SLC4A9: variants seen among roughly 807,000 people sequenced by gnomAD.
The protein encoded by SLC4A9 is solute carrier family 4 member 9.
Under a neutral mutation model 103.2 loss-of-function variants are expected in SLC4A9, and 102 were observed. That is an observed-to-expected ratio of 0.99 (90% CI 0.84 to 1.17). SLC4A9 has a LOEUF of 1.17. SLC4A9 is among the 50% of genes most tolerant of loss of function. The probability of loss-of-function intolerance (pLI) is 0.00; values close to 1 mark genes in which losing one functional copy is unlikely to be tolerated. For missense variants in SLC4A9, 1,091 were observed against 1,193.7 expected (o/e 0.91, Z 1.27); for synonymous variants, 453 against 483.6 (o/e 0.94, Z 0.83).
chr5:140,371,563 C>A lies in SLC4A9; in HGVS notation c.2609C>A (p.Ala870Asp). 6.2e-7 allele frequency: 1 copy of A among 1,614,064 alleles called. No homozygotes were observed. Among genetic ancestry groups the A allele is most frequent in the South Asian group, 1.1e-5 (1 of 91,088 alleles). ...CACCTCTTCACAGCCATCCAGCTTG[C>A]CTGTCTGGGGCTGCTTTGGATAATC... ...RVHLFTAIQL[A>D]CLGLLWIIKS... The change falls in exon 19 of 22, where the codon GCC (alanine) becomes GAC (aspartate). Residue 870 changes from alanine to aspartate, a missense_variant. Ala to Asp is a moderately radical substitution (Grantham distance 126, BLOSUM62 -2). Coordinates refer to ENST00000506757, the MANE Select transcript of SLC4A9 (RefSeq NM_031467.3).
Position 140,360,353 on chromosome 5 carries a change from C to T in SLC4A9, c.117C>T (p.Gly39=). The T allele has an allele frequency of 6.2e-7, 1 of 1,610,918 alleles. No individual in the cohort carries two copies. Among genetic ancestry groups the T allele is most frequent in the Non-Finnish European group, 8.5e-7 (1 of 1,178,566 alleles). Residue 39 remains glycine, a synonymous_variant, in exon 1 of 22, where the codon GGC becomes GGT. Coordinates refer to ENST00000506757, the MANE Select transcript of SLC4A9 (RefSeq NM_031467.3). ...PDPGTGPSPD[G]PSDTESKELG... is the part of the protein sequence containing the mutation. Reference sequence around the variant, plus strand: ...CTGGCACCGGCCCCAGCCCTGATGGCCCCTCAGACACAGAGAGCAAGGAAC... The same window carrying T: ...CTGGCACCGGCCCCAGCCCTGATGGTCCCTCAGACACAGAGAGCAAGGAAC...
In SLC4A9 at chr5:140,362,125, C is replaced by A. The variant is rs560977626; in HGVS notation, c.670C>A (p.Arg224=). Residue 224 remains arginine, a synonymous_variant, in exon 5 of 22, where the codon CGG becomes AGG. Coordinates refer to ENST00000506757, the MANE Select transcript of SLC4A9 (RefSeq NM_031467.3). ...AQPLGAFVRL[R]NPVVLGSLTE... ...GCCACTGGGAGCCTTTGTTCGACTGCGGAACCCTGTGGTACTGGGGTCCCT... is the reference window on the plus strand; with the variant it reads ...GCCACTGGGAGCCTTTGTTCGACTGAGGAACCCTGTGGTACTGGGGTCCCT... The A allele has an allele frequency of 3.2e-6, 5 of 1,573,480 alleles. No homozygotes were observed. Among genetic ancestry groups the A allele is most frequent in the East Asian group, 2.2e-5 (1 of 44,690 alleles).
chr5:140,361,098 C>G, intron 2 of SLC4A9, 126 bp downstream of exon 2: 1 of 1,194,910 alleles, frequency 8.4e-7, no homozygotes, highest in Non-Finnish European at 1.2e-6. Context: ...ACCCTTGTCA[C>G]AGGGTGGACA....
chr5:140,364,761 C>T (rs1767639119), intron 11 of SLC4A9, 136 bp downstream of exon 11: 2 of 1,052,666 alleles, frequency 1.9e-6, no homozygotes, highest in Non-Finnish European at 1.3e-6. Context: ...GTACTATTTA[C>T]ACTCTGGTTC....
At chr5:140,361,535 G>A (rs1340704033) in intron 3 of SLC4A9, among the ~76,000 whole-genome samples, 168 bp downstream of exon 3, 1 of 152,198 alleles carries the variant, frequency 6.6e-6, no homozygotes, top group Non-Finnish European at 1.5e-5. Context: ...AGATTCAGGG[G>A]GCTAGAATCG....
chr5:140,367,384 C>A (rs1768032954), intron 14 of SLC4A9, 36 bp from the exon 15 acceptor site: 1 of 1,599,562 alleles, frequency 6.3e-7, no homozygotes, highest in Admixed American at 1.7e-5. Flanking sequence ...TCTTGGGAGA[C>A]CCACTCCAAC....
intron 16 of SLC4A9, among the ~76,000 whole-genome samples, chr5:140,368,145 C>T (rs770259991): frequency 6.6e-6 from 1 of 152,116 alleles, no homozygotes; most frequent in African/African-American, 2.4e-5. Flanking sequence ...GCAGCCAGGG[C>T]TGAAGTGGAG....
At chr5:140,367,968 G>A (rs569373636) in intron 16 of SLC4A9, 70 bp downstream of exon 16, 14 of 1,533,952 alleles carry the variant, frequency 9.1e-6, no homozygotes, top group Middle Eastern at 1.7e-4. Flanking sequence ...ACATGGCAGA[G>A]TTACTTGGGC....
chr5:140,362,602 A>G (rs1171128461), intron 6 of SLC4A9, 70 bp downstream of exon 6: 26 of 1,383,096 alleles, frequency 1.9e-5, no homozygotes, highest in Non-Finnish European at 2.6e-5. Context: ...ACACATGCAT[A>G]CATGCATGGG....
chr5:140,364,362 G>A lies in SLC4A9; in HGVS notation c.1389-1G>A. 1 of 1,612,582 alleles carries A rather than the reference G, an allele frequency of 6.2e-7. No homozygotes were observed. Among genetic ancestry groups the A allele is most frequent in the Non-Finnish European group, 8.5e-7 (1 of 1,179,846 alleles). ...AGCCTTCCTGTCTCTCATCCCCACA[G>A]AGATTACAGCCTGGACTACCTGCCC... On this transcript the variant is annotated splice_acceptor_variant, in intron 10 of 21. Coordinates refer to ENST00000506757, the MANE Select transcript of SLC4A9 (RefSeq NM_031467.3). LOFTEE classifies it high-confidence loss of function.
At position 140,362,105 on chromosome 5, in the gene SLC4A9, T is replaced by C; in HGVS notation, c.650T>C (p.Leu217Pro). 1 of 1,579,916 alleles carries C rather than the reference T, an allele frequency of 6.3e-7. No individual in the cohort carries two copies. The highest frequency in any genetic ancestry group is 8.5e-7 in the Non-Finnish European group (1 of 1,171,308). Residue 217 changes from leucine to proline, a missense_variant, in exon 5 of 22, where the codon CTG (leucine) becomes CCG (proline). By Grantham distance (98) the Leu-to-Pro change is moderately conservative. Transcript: ENST00000506757. ...AGELGFLAQP[L>P]GAFVRLRNPV... ...GAGCTGGGCTTCCTGGCACAGCCAC[T>C]GGGAGCCTTTGTTCGACTGCGGAAC...
chr5:140,368,129 G>T (rs1768172395), intron 16 of SLC4A9, among the ~76,000 whole-genome samples: 1 of 152,170 alleles, frequency 6.6e-6, no homozygotes, highest in Non-Finnish European at 1.5e-5. Context: ...CCATGCAAAG[G>T]TAGAGGCAGC....
At chr5:140,362,353 G>A in intron 5 of SLC4A9, 92 bp from the exon 6 acceptor site, 1 of 1,349,760 alleles carries the variant, frequency 7.4e-7, no homozygotes, top group East Asian at 2.3e-5. Context: ...GTGTGTTTAT[G>A]GGAGCTGATA....
rs1156256371 is a variant in SLC4A9 at position 140,362,432 on chromosome 5, G to C, written c.720-13G>C. The C allele has an allele frequency of 3.1e-6, 5 of 1,613,318 alleles. 1 individual carries two copies. In the Middle Eastern group the frequency reaches 4.9e-4, roughly 159 times the overall value. On this transcript the variant is annotated splice_polypyrimidine_tract_variant and intron_variant, in intron 5 of 21. Coordinates refer to ENST00000506757, the MANE Select transcript of SLC4A9 (RefSeq NM_031467.3). ...GCAGCCTGTGAATCTCTGGGGCCTGGTTCCTTCCTCAGGTTTTTCTGCCTT... is the reference window on the plus strand; with the variant it reads ...GCAGCCTGTGAATCTCTGGGGCCTGCTTCCTTCCTCAGGTTTTTCTGCCTT...
At chr5:140,372,912 C>A in intron 21 of SLC4A9, 69 bp downstream of exon 21, 1 of 931,690 alleles carries the variant, frequency 1.1e-6, no homozygotes, top group Non-Finnish European at 1.6e-6. Flanking sequence ...TGGAACTCTC[C>A]AGTGTGTTGG....
Position 140,363,533 on chromosome 5 carries a change from C to A in SLC4A9, c.1057C>A (p.Pro353Thr). 3 of 1,553,112 alleles carry A rather than the reference C, an allele frequency of 1.9e-6. No homozygotes were observed. Among genetic ancestry groups the A allele is most frequent in the Non-Finnish European group, 2.6e-6 (3 of 1,148,050 alleles). Reference sequence around the variant, plus strand: ...CCGCCATGGGCCACACGCACACAGCCCGGAGTTGCAGCGGACCGGCAGGTG... The same window carrying A: ...CCGCCATGGGCCACACGCACACAGCACGGAGTTGCAGCGGACCGGCAGGTG... Reference protein sequence around the residue: ...RHRHGPHAHSPELQRTGRLFG... With the variant: ...RHRHGPHAHSTELQRTGRLFG... Residue 353 changes from proline (P) to threonine (T), a missense_variant, in exon 8 of 22, where the codon CCG becomes ACG. Coordinates refer to ENST00000506757, the MANE Select transcript of SLC4A9 (RefSeq NM_031467.3). The surrounding 1 kb of genome is among the most constrained non-coding windows in gnomAD (Gnocchi z 4.5).
At chr5:140,367,014 C>T (rs1228863355) in intron 14 of SLC4A9, among the ~76,000 whole-genome samples, 3 of 152,206 alleles carry the variant, frequency 2.0e-5, no homozygotes, top group East Asian at 1.9e-4. Context: ...TTGTAATCAG[C>T]GTGGACACAG....
chr5:140,369,280 C>CAA (rs575452593), intron 17 of SLC4A9, among the ~76,000 whole-genome samples: 6 of 97,688 alleles, frequency 6.1e-5, no homozygotes, highest in African/African-American at 1.5e-4. Context: ...AAGAATGTCT[C>CAA]AAAAAAAAAA....
chr5:140,373,157 G>A (rs1768970787), intron 21 of SLC4A9, among the ~76,000 whole-genome samples: 1 of 152,118 alleles, frequency 6.6e-6, no homozygotes, highest in African/African-American at 2.4e-5. Flanking sequence ...TGGGAAGGAA[G>A]AGGAAGGGAG....
Sources: gnomAD v4.1 joint callset for allele counts (sites outside exome capture counted in the v4.1 genomes callset) on GRCh38, gnomAD v4.1.1 for gene constraint, Gnocchi (gnomAD v3.1) non-coding constraint, MANE v1.5 for transcripts, NCBI Gene and HGNC (gene_info 2026-07-23, HGNC 2026-07-21) for gene names.